Variants in XKR9 observed in about 807,000 individuals in gnomAD.
XKR9 encodes the protein XK-related protein 9.
Under a neutral mutation model 32.0 loss-of-function variants are expected in XKR9, and 32 were observed. The ratio of observed to expected loss-of-function variants is 1.00; its 90% confidence interval spans 0.76 to 1.34. XKR9 has a LOEUF of 1.34. XKR9 is among the 40% of genes most tolerant of loss of function. The pLI, the probability that XKR9 is intolerant of heterozygous loss-of-function variation, is 0.00. For missense variants in XKR9, 546 were observed against 429.7 expected (o/e 1.27, Z -2.39); for synonymous variants, 168 against 143.4 (o/e 1.17, Z -1.22).
the XKR9 span, among the ~76,000 whole-genome samples, chr8:70,874,961 G>T: frequency 6.6e-6 from 1 of 152,098 alleles, no homozygotes; most frequent in Non-Finnish European, 1.5e-5. Context: ...TCGGTCACAT[G>T]CTCGTCCTTG....
chr8:70,692,183 G>A (rs1048445999), intron 3 of XKR9, among the ~76,000 whole-genome samples: 1 of 152,000 alleles, frequency 6.6e-6, no homozygotes, highest in African/African-American at 2.4e-5. Context: ...TGGCAACTGT[G>A]AATGGTATTG....
At chr8:70,754,583 G>C (rs1478113692) in intron 2 of XKR9, among the ~76,000 whole-genome samples, 1 of 151,020 alleles carries the variant, frequency 6.6e-6, no homozygotes, top group Non-Finnish European at 1.5e-5. Flanking sequence ...CAGTGGAACA[G>C]AACAGAGCCC....
At chr8:70,888,979 C>T in the XKR9 span, among the ~76,000 whole-genome samples, 1 of 151,816 alleles carries the variant, frequency 6.6e-6, no homozygotes, top group Admixed American at 6.6e-5. Flanking sequence ...TTTTCAATTT[C>T]TACGAATAAT....
At chr8:70,995,405 A>C in the XKR9 span, among the ~76,000 whole-genome samples, 4 of 152,318 alleles carry the variant, frequency 2.6e-5, no homozygotes, top group Middle Eastern at 6.8e-3. Context: ...CATATGGCAT[A>C]TGGCCCCACA....
chr8:70,884,601 T>C, the XKR9 span, among the ~76,000 whole-genome samples: 1 of 152,198 alleles, frequency 6.6e-6, no homozygotes, highest in Non-Finnish European at 1.5e-5. Context: ...TTATTTTGCT[T>C]GTGGATGTCC....
In XKR9 at chr8:70,754,121, A is replaced by G. The variant is rs181958045; in HGVS notation, n.353-35218A>G. On this transcript the variant is annotated intron_variant and non_coding_transcript_variant, in intron 2 of 3. Coordinates refer to the XKR9 transcript ENST00000520273. ...TCACAAGCATTCTTATACACCAATA[A>G]CAGACAAACAGAGAGCCAAATCATG... 7.7e-5 allele frequency among the ~76,000 whole-genome samples: 11 copies of G among 142,726 alleles called. No homozygotes were observed. In the East Asian group the frequency reaches 2.2e-3, roughly 28 times the overall value. The allele number at this position is 142,726 out of a possible 152,430, so 93.6% of individuals were successfully genotyped here. A position where few individuals can be genotyped will look rare whatever the true frequency, so the allele number is the denominator to read the frequency against.
chr8:70,856,482 A>G, the XKR9 span, among the ~76,000 whole-genome samples: 1 of 151,690 alleles, frequency 6.6e-6, no homozygotes, highest in Admixed American at 6.6e-5. Context: ...GCAAGTCCTT[A>G]GAGACCTACA....
intron 2 of XKR9, among the ~76,000 whole-genome samples, chr8:70,777,048 G>C (rs181823304): frequency 6.7e-4 from 100 of 150,326 alleles, no homozygotes; most frequent in African/African-American, 2.4e-3. Context: ...ATGTTGGTTT[G>C]CTGTACCCAT....
chr8:70,739,940 T>C (rs946266156), downstream of XKR9, among the ~76,000 whole-genome samples: 66 of 152,296 alleles, frequency 4.3e-4, no homozygotes, highest in Non-Finnish European at 8.1e-4. Flanking sequence ...CTGACAATTA[T>C]GTGTCTTGGA....
chr8:70,805,924 G>T, the XKR9 span, among the ~76,000 whole-genome samples: 1 of 152,146 alleles, frequency 6.6e-6, no homozygotes, highest in Non-Finnish European at 1.5e-5. Flanking sequence ...CATTAAATGG[G>T]TCCTGTTCCC....
intron 2 of XKR9, among the ~76,000 whole-genome samples, chr8:70,772,175 C>T (rs12674966): frequency 0.33 from 50,212 of 151,884 alleles, 9,421 homozygotes; most frequent in Non-Finnish European, 0.43. Context: ...AGAATATAAA[C>T]AACTTGAGAT....
intron 4 of XKR9, among the ~76,000 whole-genome samples, chr8:70,728,626 A>G (rs1362483894): frequency 6.6e-6 from 1 of 152,224 alleles, no homozygotes. Context: ...AACTGCAGAA[A>G]AAAACTCAAG....
chr8:70,959,137 T>C, the XKR9 span, among the ~76,000 whole-genome samples: 1 of 152,174 alleles, frequency 6.6e-6, no homozygotes, highest in Non-Finnish European at 1.5e-5. Flanking sequence ...TACTCAATAA[T>C]CTCTGTTGAT....
the XKR9 span, among the ~76,000 whole-genome samples, chr8:70,799,488 G>A: frequency 6.6e-6 from 1 of 152,040 alleles, no homozygotes; most frequent in African/African-American, 2.4e-5. Flanking sequence ...GTGCCACCAT[G>A]CCCAGCTAAT....
the XKR9 span, among the ~76,000 whole-genome samples, chr8:71,012,381 G>C: frequency 2.0e-5 from 3 of 152,282 alleles, no homozygotes; most frequent in South Asian, 6.2e-4. Flanking sequence ...AGGGAAGGTT[G>C]GTGGCTATGG....
At chr8:71,006,332 AG>A in the XKR9 span, among the ~76,000 whole-genome samples, 63,711 of 148,426 alleles carry the variant, frequency 0.43, 14,403 homozygotes, top group Non-Finnish European at 0.52. Flanking sequence ...TATTTAAAAA[AG>A]ATTTTTTTTT....
chr8:70,916,547 G>T, the XKR9 span, among the ~76,000 whole-genome samples: 10 of 152,106 alleles, frequency 6.6e-5, no homozygotes, highest in African/African-American at 2.4e-4. Context: ...TTTAATTACT[G>T]TAGCTTTATA....
the XKR9 span, among the ~76,000 whole-genome samples, chr8:70,885,445 A>G: frequency 6.6e-6 from 1 of 152,186 alleles, no homozygotes; most frequent in African/African-American, 2.4e-5. Flanking sequence ...ACATGTGCTG[A>G]AAGTGCAAGT....
the XKR9 span, among the ~76,000 whole-genome samples, chr8:70,830,956 T>A: frequency 2.0e-5 from 3 of 152,190 alleles, no homozygotes; most frequent in African/African-American, 7.2e-5. Flanking sequence ...AGTCTTTTTG[T>A]GTTTTGGGGA....
Sources: allele counts gnomAD v4.1 joint callset (sites outside exome capture counted in the v4.1 genomes callset), GRCh38; gene constraint gnomAD v4.1.1; transcripts MANE v1.5; gene names NCBI Gene and HGNC (gene_info 2026-07-23, HGNC 2026-07-21).